The following ITPR2 variants were observed in gnomAD, a reference collection of about 807,000 sequenced individuals.
ITPR2 encodes the protein inositol 1,4,5-trisphosphate-gated calcium channel ITPR2.
Under a neutral mutation model 317.1 loss-of-function variants are expected in ITPR2, and 207 were observed. That is an observed-to-expected ratio of 0.65 (90% CI 0.58 to 0.73). The LOEUF (loss-of-function observed/expected upper bound fraction) is 0.73, where lower values mean the gene tolerates loss of function less well. ITPR2 is among the 30% of genes least tolerant of loss of function. The probability of loss-of-function intolerance (pLI) is 0.00; values close to 1 mark genes in which losing one functional copy is unlikely to be tolerated. For missense variants in ITPR2, 2,613 were observed against 3,284.0 expected, an observed-to-expected ratio of 0.80 and a Z score of 4.99; for synonymous variants, 1,156 against 1,149.1, an observed-to-expected ratio of 1.01 and a Z score of -0.12.
intron 2 of ITPR2, among the ~76,000 whole-genome samples, chr12:26,726,771 T>A (rs1388048598): frequency 6.6e-6 from 1 of 152,210 alleles, no homozygotes; most frequent in Non-Finnish European, 1.5e-5. Flanking sequence ...AAATTAATTG[T>A]ATTTAAAAAG....
At chr12:26,618,984 G>C (rs535817605) in intron 26 of ITPR2, among the ~76,000 whole-genome samples, 5 of 152,306 alleles carry the variant, frequency 3.3e-5, no homozygotes, top group African/African-American at 1.2e-4. Flanking sequence ...CATGATAGTG[G>C]TTTCCTCTGT....
chr12:26,602,536 C>T, intron 27 of ITPR2, 41 bp from the exon 28 acceptor site: 1 of 1,579,636 alleles, frequency 6.3e-7, no homozygotes. Flanking sequence ...TAATAAATAA[C>T]AATATTAAGT....
chr12:26,724,751 T>C lies in ITPR2; in HGVS notation c.280-9A>G. 6.3e-7 allele frequency: 1 copy of C among 1,587,894 alleles called. No homozygotes were observed. Among genetic ancestry groups the C allele is most frequent in the Non-Finnish European group, 8.6e-7 (1 of 1,160,114 alleles). On this transcript the variant is annotated splice_polypyrimidine_tract_variant and intron_variant, in intron 3 of 56. Coordinates refer to ENST00000381340, the MANE Select transcript of ITPR2 (RefSeq NM_002223.4). ...TCCAGTTCTGCAGCGTGCTATAAGA[T>C]GATTATCAAATATTCAGTGTAGAAA...
At chr12:26,819,446 C>T (rs1192186079) in intron 1 of ITPR2, among the ~76,000 whole-genome samples, 1 of 152,174 alleles carries the variant, frequency 6.6e-6, no homozygotes, top group Non-Finnish European at 1.5e-5. Context: ...TTTCCAAACA[C>T]TTATTCTTGA....
intron 37 of ITPR2, among the ~76,000 whole-genome samples, chr12:26,507,544 C>A (rs752353314): frequency 3.9e-5 from 6 of 152,154 alleles, no homozygotes; most frequent in Non-Finnish European, 5.9e-5. Context: ...ATGCAAAGCA[C>A]ATTTGCTGGT....
chr12:26,567,035 A>G (rs971430150), intron 34 of ITPR2, among the ~76,000 whole-genome samples: 1 of 152,218 alleles, frequency 6.6e-6, no homozygotes, highest in African/African-American at 2.4e-5. Flanking sequence ...CAACGAAAAT[A>G]AAATGTTTCT....
chr12:26,782,037 T>TATATATATAGAG (rs1950102369), intron 2 of ITPR2, among the ~76,000 whole-genome samples: 4 of 51,736 alleles, frequency 7.7e-5, no homozygotes, highest in Non-Finnish European at 1.2e-4. Context: ...TATATATGTA[T>TATATATATAGAG]AGAGAGAGAG....
rs187445911 is a variant in ITPR2 at position 26,609,595 on chromosome 12, C to A, written c.3463-6889G>T. ...CTCCAGCCTGAATGACAGAGCAAGACCCTGTCTACAACAAAAAGAACAAAT... is the reference window on the plus strand; with the variant it reads ...CTCCAGCCTGAATGACAGAGCAAGAACCTGTCTACAACAAAAAGAACAAAT... On this transcript the variant is annotated intron_variant, in intron 26 of 56. Transcript: ENST00000381340. Among the ~76,000 whole-genome samples, 5 of 151,510 alleles carry A rather than the reference C, an allele frequency of 3.3e-5. No individual in the cohort carries two copies. The East Asian group carries it at 9.7e-4, about 29-fold the overall frequency.
chr12:26,627,276 G>A (rs1305559967), intron 23 of ITPR2: 1 of 152,112 alleles, frequency 6.6e-6, no homozygotes, highest in African/African-American at 2.4e-5. Context: ...ACTACATTTC[G>A]CACTGCTCTT....
chr12:26,448,198 C>T (rs566814370), intron 45 of ITPR2, among the ~76,000 whole-genome samples: 2 of 152,032 alleles, frequency 1.3e-5, no homozygotes, highest in Admixed American at 6.6e-5. Flanking sequence ...CAAGGACAGC[C>T]GTCTTACGAT....
intron 26 of ITPR2, among the ~76,000 whole-genome samples, chr12:26,616,501 T>A (rs972618029): frequency 6.6e-6 from 1 of 152,084 alleles, no homozygotes; most frequent in South Asian, 2.1e-4. Context: ...AATGGAAAAA[T>A]TTTTAGTATC....
At position 26,782,075 on chromosome 12, in the gene ITPR2, G is replaced by A. The variant is rs975222372; in HGVS notation, c.163+8082C>T. Among the ~76,000 whole-genome samples the A allele has an allele frequency of 1.8e-4, 24 of 133,650 alleles. 1 individual carries two copies. The highest frequency in any genetic ancestry group is 4.5e-4 in the East Asian group (2 of 4,442). The allele number at this position is 133,650 out of a possible 152,430, so 87.7% of individuals were successfully genotyped here. On this transcript the variant is annotated intron_variant, in intron 2 of 56. Transcript: ENST00000381340. ...AGAGAGAGAGAGAGAGAGAGAGAGC[G>A]AGAGAGATCCTATTAGTTCTTAATA...
intron 54 of ITPR2, among the ~76,000 whole-genome samples, chr12:26,397,894 A>ATT (rs1280987663): frequency 6.6e-6 from 1 of 152,088 alleles, no homozygotes; most frequent in African/African-American, 2.4e-5. Flanking sequence ...AAGAGGATAG[A>ATT]TTCTAGGGTG....
At chr12:26,778,893 G>T (rs971872863) in intron 2 of ITPR2, among the ~76,000 whole-genome samples, 4 of 152,092 alleles carry the variant, frequency 2.6e-5, no homozygotes, top group African/African-American at 9.7e-5. Context: ...AATGTGAAGG[G>T]TAAATTGCTG....
Position 26,567,950 on chromosome 12 carries a change from T to TTA in ITPR2, c.4631-6000_4631-5999dup, listed in dbSNP as rs371931358. ...AGAAAAATTCTGGTATATATATATA[T>TTA]TATATATATATATATATATTATATA... is the stretch of plus-strand genomic sequence containing the variant. On this transcript the variant is annotated intron_variant, in intron 34 of 56. Coordinates refer to ENST00000381340, the MANE Select transcript of ITPR2 (RefSeq NM_002223.4). 3.6e-3 allele frequency among the ~76,000 whole-genome samples: 408 copies of TTA among 112,174 alleles called. 16 individuals carry two copies. Among genetic ancestry groups the TTA allele is most frequent in the East Asian group, 0.02 (64 of 3,180 alleles). The allele number at this position is 112,174 out of a possible 152,430, so 73.6% of individuals were successfully genotyped here.
At chr12:26,419,310 A>T (rs1200026290) in intron 49 of ITPR2, 97 bp from the exon 50 acceptor site, 1 of 997,742 alleles carries the variant, frequency 1.0e-6, no homozygotes, top group East Asian at 2.6e-5. Flanking sequence ...TTTGACATGG[A>T]TGAAACAATT....
At chr12:26,613,645 C>T (rs1018418488) in intron 26 of ITPR2, among the ~76,000 whole-genome samples, 1 of 152,058 alleles carries the variant, frequency 6.6e-6, no homozygotes, top group Non-Finnish European at 1.5e-5. Flanking sequence ...TGATCAGAGA[C>T]CCTGGCATAG....
chr12:26,781,375 T>G (rs1950073802), intron 2 of ITPR2, among the ~76,000 whole-genome samples: 1 of 135,552 alleles, frequency 7.4e-6, no homozygotes, highest in African/African-American at 2.7e-5. Flanking sequence ...ATGCATAAAC[T>G]TGTACTAAGA....
intron 32 of ITPR2, among the ~76,000 whole-genome samples, chr12:26,589,853 T>TACAC (rs56044866): frequency 0.087 from 4,977 of 57,276 alleles, 424 homozygotes; most frequent in African/African-American, 0.13. Flanking sequence ...TATATATATA[T>TACAC]ACACACACAC....
Sources: allele counts gnomAD v4.1 joint callset (sites outside exome capture counted in the v4.1 genomes callset), GRCh38; gene constraint gnomAD v4.1.1; transcripts MANE v1.5; gene names NCBI Gene and HGNC (gene_info 2026-07-23, HGNC 2026-07-21).